The following GTF2F2 variants were observed in gnomAD, a reference collection of about 807,000 sequenced individuals.
The protein encoded by GTF2F2 is ATP-dependent helicase GTF2F2.
Under a neutral mutation model 42.2 loss-of-function variants are expected in GTF2F2, and 23 were observed. The ratio of observed to expected loss-of-function variants is 0.55; its 90% CI spans 0.39 to 0.77. GTF2F2 has a LOEUF of 0.77. GTF2F2 is among the 30% of genes least tolerant of loss of function. The probability of loss-of-function intolerance (pLI) is 0.00; values close to 1 mark genes in which losing one functional copy is unlikely to be tolerated. For missense variants in GTF2F2, 261 were observed against 287.2 expected, an observed-to-expected ratio of 0.91 and a Z score of 0.66; for synonymous variants, 105 against 100.8, an observed-to-expected ratio of 1.04 and a Z score of -0.25.
At chr13:45,167,675 A>T (rs991965237) in intron 4 of GTF2F2, among the ~76,000 whole-genome samples, 1 of 152,078 alleles carries the variant, frequency 6.6e-6, no homozygotes, top group African/African-American at 2.4e-5. Context: ...CTGGGATTAC[A>T]GGCGTGAGCC....
chr13:45,275,301 TTTATTATTA>T (rs374043984), intron 7 of GTF2F2, among the ~76,000 whole-genome samples: 7 of 151,524 alleles, frequency 4.6e-5, no homozygotes, highest in Non-Finnish European at 1.0e-4. Context: ...TAAAATGGTG[TTTATTATTA>T]TTATTATTAT....
chr13:45,156,629 G>A (rs1870769153), intron 4 of GTF2F2, among the ~76,000 whole-genome samples: 1 of 152,122 alleles, frequency 6.6e-6, no homozygotes, highest in South Asian at 2.1e-4. Flanking sequence ...AAGTCGACCA[G>A]AATTAGAGGT....
At chr13:45,181,012 A>G (rs1161197916) in intron 4 of GTF2F2, among the ~76,000 whole-genome samples, 1 of 151,868 alleles carries the variant, frequency 6.6e-6, no homozygotes, top group African/African-American at 2.4e-5. Flanking sequence ...AAATACAGCA[A>G]TTAGCCAGGC....
chr13:45,139,945 A>G (rs1869839947), intron 2 of GTF2F2, among the ~76,000 whole-genome samples: 1 of 152,220 alleles, frequency 6.6e-6, no homozygotes, highest in African/African-American at 2.4e-5. Flanking sequence ...GTATTTACGT[A>G]TAACCTACAC....
intron 4 of GTF2F2, among the ~76,000 whole-genome samples, chr13:45,185,592 T>G (rs368158087): frequency 1.2e-4 from 19 of 152,226 alleles, no homozygotes; most frequent in South Asian, 4.1e-4. Context: ...ATTATATACT[T>G]TTAAGTGTTC....
chr13:45,215,363 T>C (rs1370506966), intron 5 of GTF2F2, among the ~76,000 whole-genome samples: 1 of 152,238 alleles, frequency 6.6e-6, no homozygotes, highest in Non-Finnish European at 1.5e-5. Context: ...TAATTTATAA[T>C]GTAAAACATT....
chr13:45,197,076 CAT>C (rs777520153), intron 4 of GTF2F2, among the ~76,000 whole-genome samples: 6 of 152,072 alleles, frequency 3.9e-5, no homozygotes, highest in Non-Finnish European at 8.8e-5. Context: ...GCAAAGTTGA[CAT>C]GTGTGATTTC....
intron 4 of GTF2F2, among the ~76,000 whole-genome samples, chr13:45,167,934 G>GA (rs1166974608): frequency 1.3e-4 from 20 of 151,570 alleles, no homozygotes; most frequent in Non-Finnish European, 2.9e-5. Context: ...TTGATAGAGG[G>GA]AAAAAAAAGT....
intron 4 of GTF2F2, among the ~76,000 whole-genome samples, chr13:45,188,070 T>A (rs1872498506): frequency 6.6e-6 from 1 of 152,248 alleles, no homozygotes; most frequent in East Asian, 1.9e-4. Context: ...CATGCCCAGC[T>A]AATGTTTATG....
intron 4 of GTF2F2, chr13:45,207,060 GT>G (rs1193450242): frequency 1.8e-4 from 31 of 172,130 alleles, no homozygotes; most frequent in African/African-American, 7.1e-4. Flanking sequence ...TGATTTAGTG[GT>G]TTAGACTAGC....
chr13:45,194,649 A>G, intron 4 of GTF2F2: 1 of 1,260,352 alleles, frequency 7.9e-7, no homozygotes, highest in East Asian at 2.3e-5. Flanking sequence ...GCACGCCTTT[A>G]TTCAGCCCCA....
At chr13:45,225,608 T>A in intron 5 of GTF2F2, among the ~76,000 whole-genome samples, 1 of 125,652 alleles carries the variant, frequency 8.0e-6, no homozygotes, top group Admixed American at 8.2e-5. Context: ...TGAAGCTCTG[T>A]CTCAAAAAAA....
At chr13:45,162,150 T>C (rs1871069695) in intron 4 of GTF2F2, among the ~76,000 whole-genome samples, 1 of 152,212 alleles carries the variant, frequency 6.6e-6, no homozygotes, top group Non-Finnish European at 1.5e-5. Context: ...TTTAGAAATA[T>C]ATGTTAAAAC....
At chr13:45,258,173 A>T (rs1333775439) in intron 6 of GTF2F2, among the ~76,000 whole-genome samples, 3 of 151,856 alleles carry the variant, frequency 2.0e-5, no homozygotes, top group African/African-American at 7.3e-5. Context: ...ATGGCTTGTC[A>T]TGCCCTGTCT....
At chr13:45,136,692 A>G (rs1869640603) in intron 1 of GTF2F2, 41 bp from the exon 2 acceptor site, 2 of 991,006 alleles carry the variant, frequency 2.0e-6, no homozygotes, top group Admixed American at 4.2e-5. Flanking sequence ...AAAAGATGTT[A>G]GCATCTAAAA....
chr13:45,281,057 A>G (rs1022282771), intron 7 of GTF2F2, among the ~76,000 whole-genome samples: 4 of 152,244 alleles, frequency 2.6e-5, no homozygotes, highest in African/African-American at 9.6e-5. Context: ...TAGTTTATGA[A>G]CAGTGTCCTG....
intron 5 of GTF2F2, among the ~76,000 whole-genome samples, chr13:45,231,787 C>T (rs914327181): frequency 6.6e-6 from 1 of 152,146 alleles, no homozygotes; most frequent in African/African-American, 2.4e-5. Flanking sequence ...CTCTGAATCC[C>T]AGCTCACATT....
intron 2 of GTF2F2, among the ~76,000 whole-genome samples, chr13:45,145,851 T>G (rs1870167310): frequency 6.6e-6 from 1 of 152,174 alleles, no homozygotes; most frequent in Non-Finnish European, 1.5e-5. Context: ...CTCACCCTGT[T>G]CAGGCTTTCA....
At chr13:45,195,715 A>G (rs1872858149) in intron 4 of GTF2F2, among the ~76,000 whole-genome samples, 1 of 152,222 alleles carries the variant, frequency 6.6e-6, no homozygotes, top group Non-Finnish European at 1.5e-5. Context: ...TCTAGCATTT[A>G]AAGGCTCAGT....
Sources: gnomAD v4.1 joint callset for allele counts (sites outside exome capture counted in the v4.1 genomes callset) on GRCh38, gnomAD v4.1.1 for gene constraint, MANE v1.5 for transcripts, NCBI Gene and HGNC (gene_info 2026-07-23, HGNC 2026-07-21) for gene names.